Variants in LRRIQ1 observed in about 807,000 individuals in gnomAD.
LRRIQ1 encodes the protein leucine-rich repeat- and IQ domain-containing protein 1.
LRRIQ1 carries 210 observed loss-of-function variants against 211.9 expected under a neutral mutation model. The observed-to-expected ratio is 0.99, with a 90% CI of 0.89 to 1.11. LRRIQ1 has a LOEUF of 1.11. Among genes scored for constraint, LRRIQ1 ranks in the 50% most tolerant of loss-of-function variants. The probability of loss-of-function intolerance (pLI) is 0.00; values close to 1 mark genes in which losing one functional copy is unlikely to be tolerated. For missense variants in LRRIQ1, 2,136 were observed against 1,939.5 expected (o/e 1.10, Z -1.90); for synonymous variants, 699 against 650.1 (o/e 1.08, Z -1.14).
chr12:85,074,087 T>A (rs1440248857), intron 11 of LRRIQ1, among the ~76,000 whole-genome samples: 3 of 152,072 alleles, frequency 2.0e-5, no homozygotes, highest in African/African-American at 7.2e-5. Flanking sequence ...TAATATGTAA[T>A]GTTAACTGTA....
intron 1 of LRRIQ1, among the ~76,000 whole-genome samples, chr12:85,257,036 TATTATATAATTATATATATA>T (rs1445433602): frequency 4.0e-5 from 4 of 100,214 alleles, no homozygotes; most frequent in Admixed American, 1.4e-4. Context: ...ATATAATATA[TATTATATAATTATATATATA>T]ATTATATAAT....
chr12:85,201,059 G>A (rs12581888), intron 24 of LRRIQ1, among the ~76,000 whole-genome samples: 21,989 of 151,478 alleles, frequency 0.15, 3,193 homozygotes, highest in African/African-American at 0.37. Context: ...TTGAACTCCT[G>A]ACCTCAAATG....
At chr12:85,210,420 A>C (rs1295289600) in intron 24 of LRRIQ1, among the ~76,000 whole-genome samples, 1 of 152,210 alleles carries the variant, frequency 6.6e-6, no homozygotes, top group Non-Finnish European at 1.5e-5. Context: ...TTTTTGATGT[A>C]AAGATAGTAG....
chr12:85,057,088 T>G lies in LRRIQ1; in HGVS notation c.2295T>G (p.Val765=). ...AGCAAAATCAACAAAAGAAAATTGT[T>G]AGAAGAAAGAGACCTGTGAAATGCC... is the stretch of plus-strand genomic sequence containing the variant. The part of the protein sequence containing the change: ...IFKQNQQKKI[V]RRKRPVKCPA... Residue 765 remains valine (V), a synonymous_variant, in exon 8 of 27, where the codon GTT becomes GTG. Transcript: ENST00000393217. 1 of 1,607,618 alleles carries G rather than the reference T, an allele frequency of 6.2e-7. No individual in the cohort carries two copies. The highest frequency in any genetic ancestry group is 8.5e-7 in the Non-Finnish European group (1 of 1,177,990).
At chr12:85,255,095 A>T (rs571591235) in intron 1 of LRRIQ1, among the ~76,000 whole-genome samples, 1 of 151,968 alleles carries the variant, frequency 6.6e-6, no homozygotes, top group South Asian at 2.1e-4. Flanking sequence ...AGTTTCATAG[A>T]CCTTATTTCC....
intron 24 of LRRIQ1, among the ~76,000 whole-genome samples, chr12:85,183,126 C>G (rs1892065030): frequency 6.6e-6 from 1 of 152,138 alleles, no homozygotes; most frequent in African/African-American, 2.4e-5. Context: ...AGGATTCCTT[C>G]CTTCAACATT....
intron 1 of LRRIQ1, among the ~76,000 whole-genome samples, chr12:85,261,948 G>T (rs575120648): frequency 6.6e-6 from 1 of 151,800 alleles, no homozygotes; most frequent in Non-Finnish European, 1.5e-5. Context: ...GCGCCACCAC[G>T]CCCGGCTAAT....
At chr12:85,150,472 G>T (rs555514215) in intron 19 of LRRIQ1, among the ~76,000 whole-genome samples, 2 of 151,892 alleles carry the variant, frequency 1.3e-5, no homozygotes, top group Admixed American at 6.6e-5. Flanking sequence ...TTCATGATGA[G>T]CTAAAGAGAG....
intron 15 of LRRIQ1, among the ~76,000 whole-genome samples, chr12:85,115,204 TCA>T (rs1887485623): frequency 6.6e-6 from 1 of 152,150 alleles, no homozygotes; most frequent in South Asian, 2.1e-4. Flanking sequence ...TGTTGAGATC[TCA>T]CAGTATTCTG....
chr12:85,056,316 A>G lies in LRRIQ1; in HGVS notation c.1523A>G (p.Asn508Ser). The G allele has an allele frequency of 6.3e-7, 1 of 1,596,142 alleles. No individual in the cohort carries two copies. ...GAAAGAAAATATGAAAATACAGATA[A>G]CAAAACTGAATTGGGAAACTCTGAT... is the stretch of plus-strand genomic sequence containing the variant. ...KQERKYENTD[N>S]KTELGNSDLK... Residue 508 changes from asparagine (N) to serine (S), a missense_variant, in exon 8 of 27, where the codon AAC (asparagine) becomes AGC (serine). Coordinates refer to ENST00000393217, the MANE Select transcript of LRRIQ1 (RefSeq NM_001079910.2).
At chr12:85,174,941 C>G (rs1891617504) in intron 24 of LRRIQ1, among the ~76,000 whole-genome samples, 1 of 151,928 alleles carries the variant, frequency 6.6e-6, no homozygotes, top group Non-Finnish European at 1.5e-5. Context: ...TCAAAGTCCT[C>G]CAAAAGGAAG....
At chr12:85,139,217 C>T (rs1592866688) in intron 19 of LRRIQ1, among the ~76,000 whole-genome samples, 1 of 151,348 alleles carries the variant, frequency 6.6e-6, no homozygotes, top group East Asian at 1.9e-4. Flanking sequence ...TTAAAAAGGG[C>T]CCAGAATAGG....
Position 85,256,462 on chromosome 12 carries a change from A to G in LRRIQ1, c.122-6453A>G, listed in dbSNP as rs190104188. Among the ~76,000 whole-genome samples, 20 of 151,842 alleles carry G rather than the reference A, an allele frequency of 1.3e-4. No individual in the cohort carries two copies. The East Asian group carries it at 3.1e-3, about 23-fold the overall frequency. ...GTTAAATATGAAATGCATTTGTCGA[A>G]TGAATGAAACTGGAGTGAAATAACA... On this transcript the variant is annotated intron_variant, in intron 1 of 1. Coordinates refer to the LRRIQ1 transcript ENST00000602731.
At chr12:85,248,955 A>G (rs1468386819), downstream of LRRIQ1, among the ~76,000 whole-genome samples, 1 of 151,776 alleles carries the variant, frequency 6.6e-6, no homozygotes, top group East Asian at 1.9e-4. Context: ...TAAGTTTGAA[A>G]GTAAAGTAGA....
chr12:85,263,825 T>G (rs1348460336), exon 2 of LRRIQ1: 2 of 152,004 alleles, frequency 1.3e-5, no homozygotes, highest in Admixed American at 1.3e-4. Context: ...CAACTTACCA[T>G]TTTGTAATAT....
chr12:85,136,644 T>A (rs1254208047), intron 18 of LRRIQ1, among the ~76,000 whole-genome samples: 1 of 151,602 alleles, frequency 6.6e-6, no homozygotes, highest in Non-Finnish European at 1.5e-5. Context: ...ACTGCTATTG[T>A]CATAGAGGGT....
rs1413594011 is a variant in LRRIQ1, at chr12:85,217,500, ATATATATATGTGTGTGTGTGTG to A, written c.4823-12015_4823-11994del. On this transcript the variant is annotated intron_variant, in intron 24 of 26. Coordinates refer to ENST00000393217, the MANE Select transcript of LRRIQ1 (RefSeq NM_001079910.2). ...TATATATATATATATATGTATATAT[ATATATATATGTGTGTGTGTGTG>A]TGTGTGTGTGTGTGTGTGTGTGTGT... is the stretch of plus-strand genomic sequence containing the variant. Among the ~76,000 whole-genome samples, 253 of 81,538 alleles carry A rather than the reference ATATATATATGTGTGTGTGTGTG, an allele frequency of 3.1e-3. 1 individual carries two copies. The highest frequency in any genetic ancestry group is 0.021 in the African/African-American group (237 of 11,164). 53.5% of individuals were successfully genotyped at this position (81,538 alleles called of 152,430 possible).
At chr12:85,098,725 A>G (rs1187000794) in intron 12 of LRRIQ1, 142 bp from the exon 13 acceptor site, 4 of 694,042 alleles carry the variant, frequency 5.8e-6, no homozygotes, top group Non-Finnish European at 8.9e-6. Context: ...TTTTATTCAT[A>G]TTTAAAAAGT....
Position 85,229,592 on chromosome 12 carries a change from A to T in LRRIQ1, c.4898A>T (p.Gln1633Leu). The T allele has an allele frequency of 6.2e-7, 1 of 1,613,194 alleles. No individual in the cohort carries two copies. Among genetic ancestry groups the T allele is most frequent in the Non-Finnish European group, 8.5e-7 (1 of 1,179,476 alleles). ...GAACGGAATAGAGAATATACATACCAATGGCTTCACACACAGGTTGGGGTT... is the reference window on the plus strand; with the variant it reads ...GAACGGAATAGAGAATATACATACCTATGGCTTCACACACAGGTTGGGGTT... ...KLERNREYTY[Q>L]WLHTQVGVHE... The change falls in exon 25 of 27, where the codon CAA becomes CTA. Residue 1633 changes from glutamine to leucine, a missense_variant. Transcript: ENST00000393217.
Sources: allele counts gnomAD v4.1 joint callset (sites outside exome capture counted in the v4.1 genomes callset), GRCh38; gene constraint gnomAD v4.1.1; transcripts MANE v1.5; gene names NCBI Gene and HGNC (gene_info 2026-07-23, HGNC 2026-07-21).